The following CTNNAL1 variants were observed in gnomAD, a reference collection of about 807,000 sequenced individuals.
CTNNAL1 encodes alpha-catulin.
Under a neutral mutation model 93.6 loss-of-function variants are expected in CTNNAL1, and 69 were observed. The observed-to-expected ratio is 0.74, with a 90% CI of 0.61 to 0.90. The LOEUF is 0.90. Among genes scored for constraint, CTNNAL1 ranks in the 40% least tolerant of loss-of-function variants. The pLI, the probability that CTNNAL1 is intolerant of heterozygous loss-of-function variation, is 0.00. For synonymous variants in CTNNAL1, 286 were observed against 305.4 expected (o/e 0.94, Z 0.66); for missense variants, 836 against 862.0 (o/e 0.97, Z 0.38).
intron 1 of CTNNAL1, among the ~76,000 whole-genome samples, chr9:109,005,965 T>A (rs560175826): frequency 1.9e-4 from 29 of 152,342 alleles, no homozygotes; most frequent in Non-Finnish European, 3.2e-4. Flanking sequence ...TTAGAGGAAC[T>A]AAGTCAATAT....
intron 4 of CTNNAL1, among the ~76,000 whole-genome samples, chr9:108,988,547 C>T (rs549335930): frequency 5.9e-5 from 9 of 152,284 alleles, no homozygotes; most frequent in East Asian, 5.8e-4. Context: ...AGTCAGAAAA[C>T]GTCATTCTCC....
intron 1 of CTNNAL1, among the ~76,000 whole-genome samples, chr9:109,004,042 G>T (rs992427099): frequency 6.6e-6 from 1 of 152,108 alleles, no homozygotes; most frequent in African/African-American, 2.4e-5. Flanking sequence ...ACTTTTGAGG[G>T]CAAGTCATAA....
intron 14 of CTNNAL1, among the ~76,000 whole-genome samples, chr9:108,948,908 A>G (rs900999336): frequency 1.3e-5 from 2 of 152,204 alleles, no homozygotes; most frequent in African/African-American, 4.8e-5. Context: ...GCCACTTAGG[A>G]GATGTGAACA....
chr9:108,974,202 A>T (rs565010912), intron 8 of CTNNAL1, among the ~76,000 whole-genome samples: 66 of 152,238 alleles, frequency 4.3e-4, no homozygotes, highest in Admixed American at 8.5e-4. Context: ...TATGAGGTTG[A>T]CATGGATATA....
intron 8 of CTNNAL1, 31 bp from the exon 9 acceptor site, chr9:108,972,864 G>GGGGGGGGGGGGCCCCCC: frequency 1.1e-4 from 15 of 142,510 alleles, no homozygotes; most frequent in Non-Finnish European, 1.4e-4. Context: ...GGGGGGGTGG[G>GGGGGGGGGGGGCCCCCC]AGGGTGGAGA....
At chr9:108,943,892 T>G (rs1830321158) in intron 16 of CTNNAL1, 70 bp downstream of exon 16, 1 of 1,598,480 alleles carries the variant, frequency 6.3e-7, no homozygotes, top group Non-Finnish European at 8.6e-7. Context: ...ATTTATACAT[T>G]GATATTATAC....
chr9:109,011,442 T>C (rs1199753209), intron 1 of CTNNAL1, among the ~76,000 whole-genome samples: 1 of 152,216 alleles, frequency 6.6e-6, no homozygotes, highest in Non-Finnish European at 1.5e-5. Context: ...ATTTATACTT[T>C]TCTTCCTCTG....
intron 8 of CTNNAL1, 90 bp from the exon 9 acceptor site, chr9:108,972,923 C>G: frequency 7.2e-7 from 1 of 1,390,830 alleles, no homozygotes; most frequent in Non-Finnish European, 9.5e-7. Context: ...ATTTTGTGAC[C>G]AAGCACCACA....
chr9:108,987,989 C>A (rs1831668639), intron 4 of CTNNAL1, among the ~76,000 whole-genome samples: 1 of 152,200 alleles, frequency 6.6e-6, no homozygotes, highest in Non-Finnish European at 1.5e-5. Context: ...GACAATTTGA[C>A]TTCCTCTTTT....
At position 108,965,405 on chromosome 9, in the gene CTNNAL1, T is replaced by C; in HGVS notation, c.1564A>G (p.Ile522Val). Reference sequence around the variant, plus strand: ...CGTCTTCCTTCAAACACGTCATTGATTTCTCTCAGCAGTGTTGACATGTCA... The same window carrying C: ...CGTCTTCCTTCAAACACGTCATTGACTTCTCTCAGCAGTGTTGACATGTCA... The part of the protein sequence containing the change: ...ISDMSTLLRE[I>V]NDVFEGRRGE... The change falls in exon 11 of 19, where the codon ATC becomes GTC. Residue 522 changes from isoleucine (I) to valine (V), a missense_variant. Transcript: ENST00000325551. The C allele has an allele frequency of 6.5e-7, 1 of 1,544,182 alleles. No individual in the cohort carries two copies. Among genetic ancestry groups the C allele is most frequent in the Non-Finnish European group, 8.7e-7 (1 of 1,144,516 alleles).
rs559747060 is a variant in CTNNAL1, at chr9:108,955,167, G to A, written c.1629+623C>T. On this transcript the variant is annotated intron_variant, in intron 12 of 18. Transcript: ENST00000325551. Reference sequence around the variant, plus strand: ...TTGTTGTTTTGTTTTTGTATTTTTAGTAGAGACACGGTTTCACCATGTTGG... The same window carrying A: ...TTGTTGTTTTGTTTTTGTATTTTTAATAGAGACACGGTTTCACCATGTTGG... 1.3e-4 allele frequency among the ~76,000 whole-genome samples: 20 copies of A among 151,964 alleles called. No individual in the cohort carries two copies. The South Asian group carries it at 3.9e-3, about 30-fold the overall frequency.
chr9:108,943,694 C>G lies in CTNNAL1; in HGVS notation c.2055+9G>C, dbSNP rs1229297177. The G allele has an allele frequency of 1.9e-6, 3 of 1,600,880 alleles. No homozygotes were observed. The African/African-American group carries it at 4.1e-5, about 22-fold the overall frequency. On this transcript the variant is annotated intron_variant, in intron 17 of 18. Transcript: ENST00000325551. ...AGATGTGTGAAAGTTTTTCATATGT[C>G]TCTTTTACCTTTAGAAATACTTTAT... is the stretch of plus-strand genomic sequence containing the variant.
At chr9:108,996,124 G>A (rs188822481) in intron 2 of CTNNAL1, among the ~76,000 whole-genome samples, 15 of 151,968 alleles carry the variant, frequency 9.9e-5, no homozygotes, top group Non-Finnish European at 2.1e-4. Flanking sequence ...CACCACACCT[G>A]GCTATTTTTT....
At chr9:108,953,517 C>CAACAA (rs1327765460) in intron 12 of CTNNAL1, among the ~76,000 whole-genome samples, 1 of 138,556 alleles carries the variant, frequency 7.2e-6, no homozygotes, top group Non-Finnish European at 1.7e-5. Context: ...GTATAAATTA[C>CAACAA]AATAAAACAA....
chr9:108,975,501 A>G (rs10979636), intron 8 of CTNNAL1, among the ~76,000 whole-genome samples: 12,938 of 152,152 alleles, frequency 0.085, 639 homozygotes, highest in East Asian at 0.16. Context: ...CTATGCCACA[A>G]CCTGACAAAA....
chr9:108,979,013 A>G (rs955171309), intron 7 of CTNNAL1, among the ~76,000 whole-genome samples: 3 of 152,170 alleles, frequency 2.0e-5, no homozygotes, highest in Non-Finnish European at 2.9e-5. Flanking sequence ...GAGTAGGGAC[A>G]ACAGTGTGAA....
At position 108,964,842 on chromosome 9, in the gene CTNNAL1, TTTTA is replaced by T. The variant is rs368745715; in HGVS notation, c.1591+532_1591+535del. Among the ~76,000 whole-genome samples, 921 of 136,196 alleles carry T rather than the reference TTTTA, an allele frequency of 6.8e-3. 3 individuals are homozygous for T. The highest frequency in any genetic ancestry group is 0.016 in the African/African-American group (453 of 28,628). 89.3% of individuals were successfully genotyped at this position (136,196 alleles called of 152,430 possible). A position where few individuals can be genotyped will look rare whatever the true frequency, so the allele number is the denominator to read the frequency against. On this transcript the variant is annotated intron_variant, in intron 11 of 18. Coordinates refer to ENST00000325551, the MANE Select transcript of CTNNAL1 (RefSeq NM_003798.4). ...ATTCAGAGATCTACTATGCTGTTTG[TTTTA>T]TTTATTTATTTATTTATTTATTTAT...
In CTNNAL1 at chr9:108,943,721, C is replaced by T. The variant is rs746320248; in HGVS notation, c.2037G>A (p.Gln679=). ...CTTTTACCTTTAGAAATACTTTATT[C>T]TGCAAAGAAGTCTTAGTTACTGTCT... ...QLQTVTKTSL[Q]NKVFLKVDKC... Residue 679 remains glutamine (Q), a synonymous_variant, in exon 17 of 19, where the codon CAG becomes CAA. Coordinates refer to ENST00000325551, the MANE Select transcript of CTNNAL1 (RefSeq NM_003798.4). 2 of 1,611,582 alleles carry T rather than the reference C, an allele frequency of 1.2e-6. No homozygotes were observed. Among genetic ancestry groups the T allele is most frequent in the Non-Finnish European group, 1.7e-6 (2 of 1,179,210 alleles).
At chr9:108,988,108 C>A (rs1158765144) in intron 4 of CTNNAL1, among the ~76,000 whole-genome samples, 1 of 151,884 alleles carries the variant, frequency 6.6e-6, no homozygotes, top group Non-Finnish European at 1.5e-5. Flanking sequence ...CCTTTTGAGA[C>A]AGTCTCCCTC....
Sources: allele counts gnomAD v4.1 joint callset (sites outside exome capture counted in the v4.1 genomes callset), GRCh38; gene constraint gnomAD v4.1.1; transcripts MANE v1.5; gene names NCBI Gene and HGNC (gene_info 2026-07-23, HGNC 2026-07-21).